The following CACNA2D3 variants were observed in gnomAD, a reference collection of about 807,000 sequenced individuals.
CACNA2D3 encodes calcium voltage-gated channel auxiliary subunit alpha2delta 3, also known as voltage-dependent calcium channel subunit alpha-2/delta-3.
A neutral mutation model predicts 160.6 loss-of-function variants in CACNA2D3; 60 were observed. The observed-to-expected ratio is 0.37, with a 90% CI of 0.30 to 0.46. The LOEUF is 0.46. Among genes scored for constraint, CACNA2D3 ranks in the 20% least tolerant of loss-of-function variants. The pLI, the probability that CACNA2D3 is intolerant of heterozygous loss-of-function variation, is 1.00. For missense variants in CACNA2D3, 1,205 were observed against 1,365.0 expected (o/e 0.88, Z 1.85); for synonymous variants, 558 against 492.9 (o/e 1.13, Z -1.75).
intron 5 of CACNA2D3, 74 bp from the exon 6 acceptor site, chr3:54,562,726 C>A: frequency 7.6e-7 from 1 of 1,310,934 alleles, no homozygotes; most frequent in South Asian, 1.3e-5. Flanking sequence ...ATCTGCCAAG[C>A]AGCGTGGGAT....
rs138585575 is a variant in CACNA2D3, at chr3:54,293,778, G to T, written c.205-26664G>T. Among the ~76,000 whole-genome samples, 19 of 152,298 alleles carry T rather than the reference G, an allele frequency of 1.2e-4. No homozygotes were observed. The East Asian group carries it at 3.7e-3, about 29-fold the overall frequency. ...TAGGACAGAGAATAGATCTGTGGTT[G>T]CCAGAGGTTTGGGTTGGGGAGTGAT... On this transcript the variant is annotated intron_variant, in intron 2 of 37. Transcript: ENST00000474759.
intron 4 of CACNA2D3, among the ~76,000 whole-genome samples, chr3:54,423,903 T>C (rs1699874938): frequency 6.6e-6 from 1 of 151,808 alleles, no homozygotes; most frequent in African/African-American, 2.4e-5. Context: ...ATTTTTTTTT[T>C]TTTTTTGAGA....
intron 2 of CACNA2D3, among the ~76,000 whole-genome samples, chr3:54,291,839 A>C (rs574787979): frequency 6.6e-6 from 1 of 152,338 alleles, no homozygotes; most frequent in Admixed American, 6.5e-5. Flanking sequence ...CATTCATTCA[A>C]CTATTGAGTA....
At chr3:54,501,544 C>T (rs956524147) in intron 4 of CACNA2D3, among the ~76,000 whole-genome samples, 1 of 151,622 alleles carries the variant, frequency 6.6e-6, no homozygotes, top group Non-Finnish European at 1.5e-5. Flanking sequence ...GTAGCTGGGA[C>T]TACAGGCGGG....
intron 2 of CACNA2D3, among the ~76,000 whole-genome samples, chr3:54,265,614 GTATA>G (rs763405327): frequency 2.0e-5 from 3 of 146,552 alleles, no homozygotes; most frequent in East Asian, 4.0e-4. Context: ...TATATAGTGT[GTATA>G]TATATATAGT....
chr3:54,956,202 C>T (rs1343633117), intron 27 of CACNA2D3, among the ~76,000 whole-genome samples: 1 of 152,206 alleles, frequency 6.6e-6, no homozygotes, highest in African/African-American at 2.4e-5. Context: ...ATCTCCCTGG[C>T]CAGAGGGAAC....
chr3:54,594,542 T>A (rs1702917416), intron 9 of CACNA2D3, among the ~76,000 whole-genome samples: 1 of 152,212 alleles, frequency 6.6e-6, no homozygotes, highest in South Asian at 2.1e-4. Context: ...TCTTCTCATT[T>A]CAACTCTTTT....
intron 2 of CACNA2D3, among the ~76,000 whole-genome samples, chr3:54,172,934 G>C (rs912556991): frequency 1.3e-5 from 2 of 152,166 alleles, no homozygotes; most frequent in African/African-American, 2.4e-5. Context: ...GGGCCTCTCT[G>C]AGAGAGCTGA....
chr3:54,911,206 T>C (rs2106909171), intron 27 of CACNA2D3, among the ~76,000 whole-genome samples: 1 of 152,192 alleles, frequency 6.6e-6, no homozygotes, highest in East Asian at 1.9e-4. Context: ...CTAGTCAGAA[T>C]GTAAATTCTA....
intron 14 of CACNA2D3, among the ~76,000 whole-genome samples, chr3:54,826,858 G>GT (rs1393462328): frequency 2.0e-5 from 3 of 151,988 alleles, no homozygotes; most frequent in Admixed American, 2.0e-4. Context: ...GATAGATGAA[G>GT]TTCAAATCTT....
intron 34 of CACNA2D3, among the ~76,000 whole-genome samples, chr3:55,017,570 A>G (rs1048547012): frequency 2.6e-5 from 4 of 152,182 alleles, no homozygotes; most frequent in Non-Finnish European, 5.9e-5. Context: ...CAGTTTACAA[A>G]TAAGAAAATT....
chr3:54,817,538 T>A (rs971094934), intron 14 of CACNA2D3, among the ~76,000 whole-genome samples: 2 of 152,240 alleles, frequency 1.3e-5, no homozygotes, highest in Admixed American at 6.5e-5. Context: ...GCAGAAAATA[T>A]GTCACTCAGT....
intron 35 of CACNA2D3, among the ~76,000 whole-genome samples, chr3:55,059,947 G>A (rs538759563): frequency 2.0e-5 from 3 of 152,042 alleles, no homozygotes; most frequent in Non-Finnish European, 2.9e-5. Flanking sequence ...TTATCTGCTC[G>A]TCTGCTTGTA....
At chr3:54,787,914 A>C (rs1056675427) in intron 13 of CACNA2D3, among the ~76,000 whole-genome samples, 1 of 152,220 alleles carries the variant, frequency 6.6e-6, no homozygotes, top group Non-Finnish European at 1.5e-5. Context: ...GCTCTTTCTC[A>C]GTTGCCTTCA....
intron 4 of CACNA2D3, among the ~76,000 whole-genome samples, chr3:54,481,279 C>T (rs1170801805): frequency 1.3e-5 from 2 of 152,190 alleles, no homozygotes; most frequent in Non-Finnish European, 2.9e-5. Context: ...AACCTTCACT[C>T]CCCTCTGATG....
chr3:54,401,863 A>T (rs1290562877), intron 4 of CACNA2D3, among the ~76,000 whole-genome samples: 2 of 152,328 alleles, frequency 1.3e-5, no homozygotes, highest in Admixed American at 6.5e-5. Flanking sequence ...TGTTGATATG[A>T]TACTCTGTAA....
intron 35 of CACNA2D3, among the ~76,000 whole-genome samples, chr3:55,021,677 GTGTA>G (rs1407085001): frequency 3.0e-5 from 2 of 67,738 alleles, no homozygotes; most frequent in African/African-American, 9.9e-5. Context: ...ATATATATAT[GTGTA>G]TATATATATA....
At chr3:54,153,931 G>C (rs185169580) in intron 2 of CACNA2D3, among the ~76,000 whole-genome samples, 2 of 152,124 alleles carry the variant, frequency 1.3e-5, no homozygotes, top group Admixed American at 1.3e-4. Context: ...CCTTCAGAGC[G>C]TCCATTTTGG....
intron 5 of CACNA2D3, among the ~76,000 whole-genome samples, chr3:54,512,045 C>A (rs986843424): frequency 7.2e-5 from 11 of 152,104 alleles, no homozygotes; most frequent in African/African-American, 2.7e-4. Flanking sequence ...GTTATATATG[C>A]CACAGGTCCC....
Sources: gnomAD v4.1 joint callset for allele counts (sites outside exome capture counted in the v4.1 genomes callset) on GRCh38, gnomAD v4.1.1 for gene constraint, MANE v1.5 for transcripts, NCBI Gene and HGNC (gene_info 2026-07-23, HGNC 2026-07-21) for gene names.